Variants in BLZF1 observed in about 807,000 individuals in gnomAD.
The protein encoded by BLZF1 is basic leucine zipper nuclear factor 1.
In BLZF1, 39 loss-of-function variants were observed where a neutral mutation model predicts 43.8. That is an observed-to-expected ratio of 0.89 (90% CI 0.69 to 1.16). The LOEUF (loss-of-function observed/expected upper bound fraction) is 1.16, where lower values mean the gene tolerates loss of function less well. Ranked by LOEUF, BLZF1 falls within the 50% of genes most tolerant of loss-of-function variation. The pLI is 0.00. For missense variants in BLZF1, 449 were observed against 469.8 expected, an observed-to-expected ratio of 0.96 and a Z score of 0.41; for synonymous variants, 136 against 159.4, an observed-to-expected ratio of 0.85 and a Z score of 1.11.
intron 1 of BLZF1, among the ~76,000 whole-genome samples, chr1:169,368,742 AAGTT>A (rs201748347): frequency 3.9e-5 from 6 of 152,286 alleles, no homozygotes; most frequent in South Asian, 4.1e-4. Flanking sequence ...ACTGTTAAGA[AAGTT>A]AGTCGTCGGG....
In BLZF1 at chr1:169,376,552, C is replaced by T. The variant is rs772708018; in HGVS notation, c.41C>T (p.Ser14Leu). 3 of 1,596,890 alleles carry T rather than the reference C, an allele frequency of 1.9e-6. No individual in the cohort carries two copies. The highest frequency in any genetic ancestry group is 2.6e-6 in the Non-Finnish European group (3 of 1,174,512). ...KNLETKVTVT[S>L]SPIRGAGDGM... Reference sequence around the variant, plus strand: ...TCCTTTTTGTTAGTCACCGTTACTTCATCCCCAATCCGAGGAGCAGGAGAT... The same window carrying T: ...TCCTTTTTGTTAGTCACCGTTACTTTATCCCCAATCCGAGGAGCAGGAGAT... The change falls in exon 3 of 7, where the codon TCA (serine) becomes TTA (leucine). Residue 14 changes from serine (S) to leucine (L), a missense_variant. Ser to Leu is a moderately radical substitution (Grantham distance 145, BLOSUM62 -2). Transcript: ENST00000367808.
At chr1:169,391,542 G>A (rs1654814444), downstream of BLZF1, among the ~76,000 whole-genome samples, 1 of 152,160 alleles carries the variant, frequency 6.6e-6, no homozygotes, top group Non-Finnish European at 1.5e-5. Flanking sequence ...CAAATGAACT[G>A]GGGAGGAAGG....
intron 4 of BLZF1, 53 bp downstream of exon 4, chr1:169,378,582 T>G: frequency 6.4e-7 from 1 of 1,553,158 alleles, no homozygotes; most frequent in Non-Finnish European, 8.9e-7. Flanking sequence ...TCCATCAGGT[T>G]TTTGATCTAT....
downstream of BLZF1, among the ~76,000 whole-genome samples, chr1:169,389,015 C>T (rs1191950582): frequency 6.6e-5 from 10 of 151,714 alleles, no homozygotes; most frequent in Non-Finnish European, 1.2e-4. Flanking sequence ...CCCAGCTACT[C>T]GGGAGGCTGA....
downstream of BLZF1, among the ~76,000 whole-genome samples, chr1:169,392,822 G>A (rs1654847487): frequency 1.3e-5 from 2 of 152,102 alleles, no homozygotes; most frequent in Non-Finnish European, 2.9e-5. Context: ...AAACCCAAAA[G>A]GTTTAGACAG....
At chr1:169,386,910 A>G in intron 6 of BLZF1, 87 bp from the exon 7 acceptor site, 1 of 920,126 alleles carries the variant, frequency 1.1e-6, no homozygotes, top group Non-Finnish European at 1.6e-6. Context: ...ATGAAGTGAA[A>G]CTTTATAGGT....
intron 7 of BLZF1, chr1:169,395,264 C>A: frequency 7.0e-7 from 1 of 1,420,622 alleles, no homozygotes; most frequent in Middle Eastern, 1.8e-4. Flanking sequence ...ACTCTTCATG[C>A]TATAAAGTTA....
At chr1:169,375,999 A>T (rs952351678) in intron 2 of BLZF1, among the ~76,000 whole-genome samples, 1 of 152,082 alleles carries the variant, frequency 6.6e-6, no homozygotes, top group Non-Finnish European at 1.5e-5. Context: ...ATAAACTGTT[A>T]GGCCTAAGAA....
chr1:169,386,000 G>C (rs1362045730), intron 6 of BLZF1, among the ~76,000 whole-genome samples: 1 of 152,298 alleles, frequency 6.6e-6, no homozygotes, highest in East Asian at 1.9e-4. Context: ...ACATCATGTG[G>C]TGATGACTGG....
In BLZF1 at chr1:169,376,772, T is replaced by C; in HGVS notation, c.261T>C (p.Ala87=). 6.2e-7 allele frequency: 1 copy of C among 1,613,414 alleles called. No homozygotes were observed. Among genetic ancestry groups the C allele is most frequent in the Non-Finnish European group, 8.5e-7 (1 of 1,179,612 alleles). Residue 87 remains alanine, a synonymous_variant, in exon 3 of 7, where the codon GCT becomes GCC. Coordinates refer to ENST00000367808, the MANE Select transcript of BLZF1 (RefSeq NM_001320973.2). ...TAAGAATATTAGTTCCCAAAGCTGC[T>C]ATAACTCATGATATCCCCAACAAAA... ...KAVRILVPKA[A]ITHDIPNKNT...
rs1171133715 is a variant in BLZF1 at position 169,378,359 on chromosome 1, G to A, written c.498G>A (p.Val166=). Residue 166 remains valine (V), a synonymous_variant, in exon 4 of 7, where the codon GTG becomes GTA. Coordinates refer to ENST00000367808, the MANE Select transcript of BLZF1 (RefSeq NM_001320973.2). Reference sequence around the variant, plus strand: ...ATCGTGAGTTAAAAAAGTTACTGGTGGCTTCTGTTGGGGATGATCTTCAGT... The same window carrying A: ...ATCGTGAGTTAAAAAAGTTACTGGTAGCTTCTGTTGGGGATGATCTTCAGT... The part of the protein sequence containing the change: ...EVNRELKKLL[V]ASVGDDLQYH... The A allele has an allele frequency of 6.2e-7, 1 of 1,612,630 alleles. No individual in the cohort carries two copies. The highest frequency in any genetic ancestry group is 2.2e-5 in the East Asian group (1 of 44,848).
chr1:169,376,610 T>TG lies in BLZF1; in HGVS notation c.100dup (p.Glu34GlyfsTer9). 1 of 1,613,076 alleles carries TG rather than the reference T, an allele frequency of 6.2e-7. No individual in the cohort carries two copies. The highest frequency in any genetic ancestry group is 8.5e-7 in the Non-Finnish European group (1 of 1,179,470). ...AAACTGAGGAACCACCTAAATCTGT[T>TG]GAAGTTACCTCCGGAGTCCAATCTA... On this transcript the variant is annotated frameshift_variant, in exon 3 of 7. Transcript: ENST00000367808. LOFTEE classifies it high-confidence loss of function.
intron 6 of BLZF1, among the ~76,000 whole-genome samples, chr1:169,386,678 CAAA>C (rs11420632): frequency 4.6e-5 from 5 of 107,596 alleles, no homozygotes; most frequent in East Asian, 3.7e-4. Flanking sequence ...GACTCCATCT[CAAA>C]AAAAAAAAAA....
chr1:169,386,678 CAA>C (rs11420632), intron 6 of BLZF1, among the ~76,000 whole-genome samples: 15 of 107,566 alleles, frequency 1.4e-4, no homozygotes, highest in Admixed American at 3.9e-4. Flanking sequence ...GACTCCATCT[CAA>C]AAAAAAAAAA....
intron 2 of BLZF1, among the ~76,000 whole-genome samples, chr1:169,373,375 C>A (rs1427078937): frequency 6.6e-6 from 1 of 152,100 alleles, no homozygotes; most frequent in African/African-American, 2.4e-5. Flanking sequence ...GGAGCTGTTA[C>A]CATAGGTCCT....
chr1:169,378,016 G>A (rs188307899), intron 3 of BLZF1, among the ~76,000 whole-genome samples: 1 of 151,602 alleles, frequency 6.6e-6, no homozygotes, highest in Non-Finnish European at 1.5e-5. Flanking sequence ...AAAATATATT[G>A]GTTTTGTTTT....
intron 2 of BLZF1, among the ~76,000 whole-genome samples, chr1:169,371,476 T>C (rs1180393884): frequency 6.6e-6 from 1 of 152,256 alleles, no homozygotes; most frequent in African/African-American, 2.4e-5. Context: ...GCCATATTTC[T>C]ATTTAATCTG....
chr1:169,395,257 CT>C, intron 7 of BLZF1: 2 of 1,469,136 alleles, frequency 1.4e-6, no homozygotes, highest in Non-Finnish European at 1.8e-6. Flanking sequence ...TGAATACACT[CT>C]TCATGCTATA....
downstream of BLZF1, chr1:169,388,318 C>T (rs921779156): frequency 6.6e-6 from 1 of 151,850 alleles, no homozygotes; most frequent in Admixed American, 6.6e-5. Context: ...GCGACTATTC[C>T]TTTTTTCCCC....
Sources: allele counts gnomAD v4.1 joint callset (sites outside exome capture counted in the v4.1 genomes callset), GRCh38; gene constraint gnomAD v4.1.1; transcripts MANE v1.5; gene names NCBI Gene and HGNC (gene_info 2026-07-23, HGNC 2026-07-21).